PPP1R9A: variants seen among roughly 807,000 people sequenced by gnomAD.
PPP1R9A encodes the protein neurabin-1.
In PPP1R9A, 59 loss-of-function variants were observed where a neutral mutation model predicts 141.9. That is an observed-to-expected ratio of 0.42 (90% CI 0.34 to 0.52). PPP1R9A has a LOEUF of 0.52. PPP1R9A is among the 20% of genes least tolerant of loss of function. The probability of loss-of-function intolerance (pLI) is 0.10; values close to 1 mark genes in which losing one functional copy is unlikely to be tolerated. For missense variants in PPP1R9A, 1,444 were observed against 1,611.9 expected (o/e 0.90, Z 1.78); for synonymous variants, 500 against 569.7 (o/e 0.88, Z 1.74).
At chr7:95,175,713 C>T (rs921783490) in intron 5 of PPP1R9A, among the ~76,000 whole-genome samples, 33 of 152,022 alleles carry the variant, frequency 2.2e-4, no homozygotes, top group African/African-American at 7.0e-4. Context: ...TCACATTAAA[C>T]TTTAAATGCT....
At position 94,911,401 on chromosome 7, in the gene PPP1R9A, A is replaced by G. The variant is rs1791437402; in HGVS notation, c.1288A>G (p.Asn430Asp). The part of the protein sequence containing the change: ...EQDEEEDSDE[N>D]SYYQPDMEYS... ...GGATGAGGAGGAAGATAGTGATGAGAACAGTTACTATCAGCCTGATATGGA... is the reference window on the plus strand; with the variant it reads ...GGATGAGGAGGAAGATAGTGATGAGGACAGTTACTATCAGCCTGATATGGA... The change falls in exon 2 of 20, where the codon AAC (asparagine) becomes GAC (aspartate). Residue 430 changes from asparagine to aspartate, a missense_variant. By Grantham distance (23) the Asn-to-Asp change is conservative. This residue lies in a region of PPP1R9A where 490 missense variants were observed against 521.1 expected (regional missense o/e 0.94). Transcript: ENST00000433360. 1 of 1,613,510 alleles carries G rather than the reference A, an allele frequency of 6.2e-7. No homozygotes were observed. The highest frequency in any genetic ancestry group is 1.3e-5 in the African/African-American group (1 of 75,032).
intron 12 of PPP1R9A, among the ~76,000 whole-genome samples, chr7:95,257,107 G>T (rs746942707): frequency 6.6e-6 from 1 of 152,052 alleles, no homozygotes; most frequent in South Asian, 2.1e-4. Flanking sequence ...CCAGAATAGG[G>T]CCAAGGTGAA....
intron 8 of PPP1R9A, among the ~76,000 whole-genome samples, chr7:95,234,056 A>C (rs2152971286): frequency 6.6e-6 from 1 of 152,310 alleles, no homozygotes; most frequent in South Asian, 2.1e-4. Flanking sequence ...CATCTATGAC[A>C]GACCCACAAC....
chr7:95,204,086 A>G lies in PPP1R9A; in HGVS notation c.1956+356A>G, dbSNP rs1481589759. ...AGTAATAATGCACATAGTGATTTAT[A>G]CTGTCTGTAAATCCAGTACTTTTTT... On this transcript the variant is annotated intron_variant, in intron 7 of 19. Coordinates refer to ENST00000433360, the MANE Select transcript of PPP1R9A (RefSeq NM_001166160.2). Among the ~76,000 whole-genome samples, 8 of 152,264 alleles carry G rather than the reference A, an allele frequency of 5.3e-5. No individual in the cohort carries two copies. The East Asian group carries it at 1.5e-3, about 29-fold the overall frequency.
intron 2 of PPP1R9A, among the ~76,000 whole-genome samples, chr7:94,972,956 AT>A (rs1446804482): frequency 6.6e-6 from 1 of 152,220 alleles, no homozygotes; most frequent in Non-Finnish European, 1.5e-5. Flanking sequence ...CATAACAGTT[AT>A]AAAGACCAAT....
At chr7:95,133,326 G>C (rs1363020614) in intron 4 of PPP1R9A, among the ~76,000 whole-genome samples, 3 of 152,024 alleles carry the variant, frequency 2.0e-5, no homozygotes, top group African/African-American at 7.2e-5. Context: ...GGTTTCACCA[G>C]GGACCTGTCC....
At chr7:95,135,074 A>G (rs1207521018) in intron 4 of PPP1R9A, among the ~76,000 whole-genome samples, 1 of 151,920 alleles carries the variant, frequency 6.6e-6, no homozygotes, top group African/African-American at 2.4e-5. Context: ...CTTAACATCA[A>G]CCTATTTTAT....
chr7:95,175,911 T>G (rs1832833479), intron 5 of PPP1R9A, among the ~76,000 whole-genome samples: 1 of 152,064 alleles, frequency 6.6e-6, no homozygotes, highest in African/African-American at 2.4e-5. Context: ...TGGAAAAGGT[T>G]AAAATACATA....
intron 12 of PPP1R9A, among the ~76,000 whole-genome samples, chr7:95,254,409 G>T (rs1487247672): frequency 6.6e-6 from 1 of 152,152 alleles, no homozygotes; most frequent in Non-Finnish European, 1.5e-5. Context: ...AATACTAGAG[G>T]TTTAGAAAGG....
chr7:95,000,756 A>G (rs761124056), intron 2 of PPP1R9A, among the ~76,000 whole-genome samples: 7 of 152,188 alleles, frequency 4.6e-5, no homozygotes, highest in Non-Finnish European at 1.0e-4. Flanking sequence ...CAAGTCACAC[A>G]GTTAAGTTGC....
chr7:95,021,579 C>A (rs1457518467), intron 2 of PPP1R9A, among the ~76,000 whole-genome samples: 1 of 152,104 alleles, frequency 6.6e-6, no homozygotes, highest in East Asian at 1.9e-4. Flanking sequence ...CCTAGGGTTA[C>A]TTCTAGGGTT....
chr7:95,087,069 G>C (rs1816727544), intron 2 of PPP1R9A, among the ~76,000 whole-genome samples: 1 of 147,994 alleles, frequency 6.8e-6, no homozygotes. Context: ...AAGAAAGAGA[G>C]AGAGAAAGCC....
chr7:95,284,271 T>A lies in PPP1R9A; in HGVS notation c.3550T>A (p.Ser1184Thr). ...ANKRNPNPSSSSIFGRHSQLM... is the reference protein window; with the variant it reads ...ANKRNPNPSSTSIFGRHSQLM... ...CAAGAGAAACCCAAATCCCTCCTCT[T>A]CTTCAATCTTTGGAAGGCATTCTCA... Residue 1184 changes from serine to threonine, a missense_variant, in exon 17 of 20, where the codon TCT becomes ACT. Coordinates refer to ENST00000433360, the MANE Select transcript of PPP1R9A (RefSeq NM_001166160.2). 1.9e-6 allele frequency: 3 copies of A among 1,570,490 alleles called. No homozygotes were observed. Among genetic ancestry groups the A allele is most frequent in the Non-Finnish European group, 2.6e-6 (3 of 1,155,438 alleles).
intron 4 of PPP1R9A, among the ~76,000 whole-genome samples, chr7:95,140,178 A>T (rs1293395520): frequency 1.3e-5 from 2 of 152,216 alleles, no homozygotes; most frequent in Non-Finnish European, 2.9e-5. Context: ...CGTAAGCTAG[A>T]GAGAACTAGA....
At chr7:95,221,372 C>T (rs1289011124) in intron 7 of PPP1R9A, among the ~76,000 whole-genome samples, 2 of 152,070 alleles carry the variant, frequency 1.3e-5, no homozygotes, top group Non-Finnish European at 2.9e-5. Flanking sequence ...TTCTACGTGA[C>T]TTCAAAACCA....
chr7:95,083,620 C>G (rs552247061), intron 2 of PPP1R9A, among the ~76,000 whole-genome samples: 1 of 152,054 alleles, frequency 6.6e-6, no homozygotes, highest in Non-Finnish European at 1.5e-5. Flanking sequence ...GTCGTTCCAG[C>G]TTAGCTAACT....
chr7:94,907,902 G>T (rs1207923255), intron 1 of PPP1R9A, 200 bp downstream of exon 1: 1 of 147,714 alleles, frequency 6.8e-6, no homozygotes, highest in African/African-American at 2.4e-5. Flanking sequence ...GTTGGGGAGC[G>T]CAGCGCGCCT....
intron 2 of PPP1R9A, among the ~76,000 whole-genome samples, chr7:95,051,785 A>G (rs774686689): frequency 1.3e-5 from 2 of 152,124 alleles, no homozygotes; most frequent in African/African-American, 4.8e-5. Flanking sequence ...AGCCATGACC[A>G]TCACTATTTA....
intron 2 of PPP1R9A, among the ~76,000 whole-genome samples, chr7:95,110,461 C>T (rs1416389358): frequency 6.6e-6 from 1 of 152,006 alleles, no homozygotes; most frequent in Non-Finnish European, 1.5e-5. Flanking sequence ...ATTAATTGGA[C>T]TTGATGAATT....
Sources: gnomAD v4.1 joint callset for allele counts (sites outside exome capture counted in the v4.1 genomes callset) on GRCh38, gnomAD v4.1.1 for gene constraint, gnomAD v4.1.1 regional missense constraint, MANE v1.5 for transcripts, NCBI Gene and HGNC (gene_info 2026-07-23, HGNC 2026-07-21) for gene names.